The following TRMT11 variants were observed in gnomAD, a reference collection of about 807,000 sequenced individuals.
TRMT11 encodes the protein tRNA methyltransferase 11.
A neutral mutation model predicts 62.8 loss-of-function variants in TRMT11; 53 were observed. The ratio of observed to expected loss-of-function variants is 0.84; its 90% CI spans 0.68 to 1.06. TRMT11 has a LOEUF of 1.06. Among genes scored for constraint, TRMT11 ranks in the 50% least tolerant of loss-of-function variants. The probability of loss-of-function intolerance (pLI) is 0.00; values close to 1 mark genes in which losing one functional copy is unlikely to be tolerated. For missense variants in TRMT11, 556 were observed against 553.4 expected (o/e 1.00, Z -0.05); for synonymous variants, 188 against 190.3 (o/e 0.99, Z 0.10).
intron 12 of TRMT11, among the ~76,000 whole-genome samples, chr6:126,033,756 G>C (rs977195725): frequency 1.3e-5 from 2 of 152,100 alleles, no homozygotes; most frequent in Admixed American, 6.5e-5. Context: ...CTGCTGTGCT[G>C]TAAGCTATTT....
the TRMT11 span, among the ~76,000 whole-genome samples, chr6:126,236,372 CTT>C: frequency 3.9e-5 from 6 of 152,226 alleles, no homozygotes; most frequent in East Asian, 3.9e-4. Flanking sequence ...AATTTTATCT[CTT>C]TGTGTCTACC....
At chr6:126,063,361 A>G (rs897648693) in intron 17 of TRMT11, among the ~76,000 whole-genome samples, 1 of 152,238 alleles carries the variant, frequency 6.6e-6, no homozygotes, top group African/African-American at 2.4e-5. Flanking sequence ...GCAGAGTAGT[A>G]TAGAAAAACT....
chr6:126,268,422 T>C, the TRMT11 span, among the ~76,000 whole-genome samples: 1 of 152,034 alleles, frequency 6.6e-6, no homozygotes, highest in Non-Finnish European at 1.5e-5. Context: ...AAAATAACAA[T>C]GTGGGAGCAA....
intron 1 of TRMT11, among the ~76,000 whole-genome samples, chr6:126,195,346 G>A (rs1457769898): frequency 6.6e-6 from 1 of 152,124 alleles, no homozygotes; most frequent in Non-Finnish European, 1.5e-5. Context: ...CTTGTCTTAT[G>A]TTCACACATA....
intron 21 of TRMT11, among the ~76,000 whole-genome samples, chr6:126,143,685 G>T (rs1777944181): frequency 6.6e-6 from 1 of 152,058 alleles, no homozygotes; most frequent in Admixed American, 6.6e-5. Context: ...AATTAAATTA[G>T]ATCTATAAGT....
At chr6:126,149,816 A>C (rs187125151) in intron 21 of TRMT11, among the ~76,000 whole-genome samples, 1 of 152,252 alleles carries the variant, frequency 6.6e-6, no homozygotes, top group East Asian at 1.9e-4. Context: ...ACAACTGAAG[A>C]ATTTTCCCAC....
the TRMT11 span, among the ~76,000 whole-genome samples, chr6:126,229,381 A>C: frequency 3.3e-5 from 5 of 152,196 alleles, no homozygotes; most frequent in African/African-American, 1.2e-4. Flanking sequence ...ACTCATACTC[A>C]TTGTTGGAAC....
chr6:126,104,537 C>A (rs1777441738), intron 17 of TRMT11, among the ~76,000 whole-genome samples: 1 of 152,132 alleles, frequency 6.6e-6, no homozygotes, highest in Non-Finnish European at 1.5e-5. Context: ...TGGGCCTGTC[C>A]CCATTTATAG....
At chr6:126,132,916 C>T (rs1197701782) in intron 21 of TRMT11, among the ~76,000 whole-genome samples, 1 of 151,932 alleles carries the variant, frequency 6.6e-6, no homozygotes, top group African/African-American at 2.4e-5. Context: ...CACATTTTGC[C>T]AAAACTTTTT....
At chr6:126,146,436 T>C (rs1276794031) in intron 21 of TRMT11, among the ~76,000 whole-genome samples, 1 of 152,214 alleles carries the variant, frequency 6.6e-6, no homozygotes, top group African/African-American at 2.4e-5. Context: ...ACTGATATTC[T>C]AACTGTAGTT....
chr6:126,159,409 G>A (rs1031811073), intron 21 of TRMT11, among the ~76,000 whole-genome samples: 1 of 152,076 alleles, frequency 6.6e-6, no homozygotes, highest in Non-Finnish European at 1.5e-5. Context: ...GTATGGTTTT[G>A]TTCCCATAAA....
At chr6:126,125,163 A>G (rs917361112) in intron 21 of TRMT11, among the ~76,000 whole-genome samples, 2 of 152,004 alleles carry the variant, frequency 1.3e-5, no homozygotes, top group South Asian at 4.2e-4. Context: ...CTATGCTCAG[A>G]CACTTTCCAT....
intron 1 of TRMT11, among the ~76,000 whole-genome samples, chr6:126,185,966 T>A (rs559962169): frequency 6.6e-6 from 1 of 152,262 alleles, no homozygotes; most frequent in Admixed American, 6.5e-5. Context: ...CCAGGTCCCT[T>A]CCATGACATG....
chr6:126,214,565 G>C, the TRMT11 span, among the ~76,000 whole-genome samples: 3 of 151,702 alleles, frequency 2.0e-5, no homozygotes, highest in Non-Finnish European at 4.4e-5. Flanking sequence ...AATTTCTGTG[G>C]TATCAGTTGT....
chr6:126,023,153 G>A (rs1796070807), intron 12 of TRMT11, among the ~76,000 whole-genome samples: 1 of 152,126 alleles, frequency 6.6e-6, no homozygotes, highest in Admixed American at 6.5e-5. Flanking sequence ...CAAGGATGAT[G>A]ATTTGCCATT....
chr6:126,258,562 C>T, the TRMT11 span, among the ~76,000 whole-genome samples: 1 of 152,232 alleles, frequency 6.6e-6, no homozygotes, highest in East Asian at 1.9e-4. Context: ...TTTTCTCACT[C>T]TTTGGTCTGT....
At chr6:126,058,984 C>T (rs1776448195) in intron 17 of TRMT11, among the ~76,000 whole-genome samples, 1 of 152,008 alleles carries the variant, frequency 6.6e-6, no homozygotes, top group South Asian at 2.1e-4. Context: ...TCTTGTATTC[C>T]CCTGGAGACT....
chr6:126,142,370 C>T (rs1777926702), intron 21 of TRMT11, among the ~76,000 whole-genome samples: 1 of 152,040 alleles, frequency 6.6e-6, no homozygotes, highest in African/African-American at 2.4e-5. Context: ...ACTTTCATGG[C>T]ATTTGAGTTT....
intron 21 of TRMT11, among the ~76,000 whole-genome samples, chr6:126,166,595 C>G (rs1778269216): frequency 6.6e-6 from 1 of 152,178 alleles, no homozygotes; most frequent in African/African-American, 2.4e-5. Context: ...GGGTCAAGGA[C>G]CCACTTGAGG....
Sources: gnomAD v4.1 joint callset for allele counts (sites outside exome capture counted in the v4.1 genomes callset) on GRCh38, gnomAD v4.1.1 for gene constraint, MANE v1.5 for transcripts, NCBI Gene and HGNC (gene_info 2026-07-23, HGNC 2026-07-21) for gene names.